Variants in RGS20 observed in about 807,000 individuals in gnomAD.
RGS20 encodes regulator of G protein signaling 20.
Under a neutral mutation model 33.6 loss-of-function variants are expected in RGS20, and 30 were observed. The ratio of observed to expected loss-of-function variants is 0.89; its 90% CI spans 0.67 to 1.21. The LOEUF is 1.21. Among genes scored for constraint, RGS20 ranks in the 50% most tolerant of loss-of-function variants. The pLI is 0.00. For synonymous variants in RGS20, 208 were observed against 197.9 expected (o/e 1.05, Z -0.43); for missense variants, 472 against 502.4 (o/e 0.94, Z 0.58).
At chr8:53,862,502 A>C (rs1446306400) in intron 1 of RGS20, among the ~76,000 whole-genome samples, 1 of 152,164 alleles carries the variant, frequency 6.6e-6, no homozygotes, top group Non-Finnish European at 1.5e-5. Flanking sequence ...TTCTGTCTTC[A>C]CTTCAAAACC....
chr8:53,889,697 C>G (rs1375398878), intron 2 of RGS20, among the ~76,000 whole-genome samples: 4 of 147,836 alleles, frequency 2.7e-5, no homozygotes, highest in African/African-American at 1.0e-4. Context: ...TTTATATATT[C>G]TGGATACAAG....
At chr8:53,912,697 G>A (rs781041281) in intron 2 of RGS20, among the ~76,000 whole-genome samples, 2 of 151,958 alleles carry the variant, frequency 1.3e-5, no homozygotes, top group Non-Finnish European at 2.9e-5. Flanking sequence ...GTGTGCATGT[G>A]TATGTTTGTA....
chr8:53,954,031 C>T (rs1814787251), intron 4 of RGS20, 45 bp from the exon 4 acceptor site: 1 of 1,262,646 alleles, frequency 7.9e-7, no homozygotes, highest in African/African-American at 1.5e-5. Context: ...AATTAACTAC[C>T]ACTAACAGTT....
intron 2 of RGS20, among the ~76,000 whole-genome samples, chr8:53,902,885 TCGG>T (rs1337400391): frequency 3.9e-5 from 6 of 152,040 alleles, no homozygotes; most frequent in Admixed American, 3.9e-4. Flanking sequence ...GCCACCATGC[TCGG>T]TTAATTTCTG....
chr8:53,953,420 C>G (rs917587979), intron 4 of RGS20, among the ~76,000 whole-genome samples: 28 of 151,658 alleles, frequency 1.8e-4, no homozygotes, highest in African/African-American at 5.8e-4. Flanking sequence ...ACTTGGGAGG[C>G]CAAGGAGAGA....
At chr8:53,858,906 A>AC in intron 1 of RGS20, among the ~76,000 whole-genome samples, 1 of 151,548 alleles carries the variant, frequency 6.6e-6, no homozygotes, top group South Asian at 2.1e-4. Context: ...AAAAAAAAAA[A>AC]AAAAAACCGC....
chr8:53,939,086 ACCT>A (rs1038920400), intron 2 of RGS20, among the ~76,000 whole-genome samples: 3 of 152,018 alleles, frequency 2.0e-5, no homozygotes, highest in African/African-American at 7.2e-5. Flanking sequence ...TCCAGGACTC[ACCT>A]CCTCTTCTGA....
chr8:53,855,533 C>T (rs1040986906), intron 1 of RGS20, among the ~76,000 whole-genome samples: 2 of 152,194 alleles, frequency 1.3e-5, no homozygotes, highest in African/African-American at 4.8e-5. Context: ...GGCAGTTACA[C>T]ACATTACATG....
intron 2 of RGS20, among the ~76,000 whole-genome samples, chr8:53,882,130 C>T (rs1812403564): frequency 6.6e-6 from 1 of 152,158 alleles, no homozygotes; most frequent in Non-Finnish European, 1.5e-5. Context: ...AGAGAAGCGG[C>T]TAGCTGAGAG....
chr8:53,853,656 A>T (rs949441230), intron 1 of RGS20, among the ~76,000 whole-genome samples: 1 of 152,244 alleles, frequency 6.6e-6, no homozygotes, highest in Non-Finnish European at 1.5e-5. Flanking sequence ...GAGTCTGCAG[A>T]TACCATTGAA....
chr8:53,947,190 T>C (rs1814513564), intron 4 of RGS20, among the ~76,000 whole-genome samples: 1 of 146,050 alleles, frequency 6.8e-6, no homozygotes. Context: ...ATAGCATATT[T>C]ATACACGCTA....
chr8:53,908,406 A>C (rs551194021), intron 2 of RGS20, among the ~76,000 whole-genome samples: 2 of 152,260 alleles, frequency 1.3e-5, no homozygotes, highest in South Asian at 4.1e-4. Flanking sequence ...TTGGGAGCCC[A>C]AGCTGAGTTG....
chr8:53,864,960 G>A (rs371860056), intron 1 of RGS20, among the ~76,000 whole-genome samples: 3 of 152,192 alleles, frequency 2.0e-5, no homozygotes, highest in South Asian at 2.1e-4. Flanking sequence ...TAATTCAGTC[G>A]CGTCCAACTC....
At chr8:53,856,870 T>C (rs1194967381) in intron 1 of RGS20, among the ~76,000 whole-genome samples, 1 of 152,156 alleles carries the variant, frequency 6.6e-6, no homozygotes, top group Non-Finnish European at 1.5e-5. Context: ...AAAGCACTTA[T>C]TTTGAGACCT....
At chr8:53,891,225 G>A (rs1464371011) in intron 2 of RGS20, among the ~76,000 whole-genome samples, 1 of 152,194 alleles carries the variant, frequency 6.6e-6, no homozygotes, top group African/African-American at 2.4e-5. Flanking sequence ...CTCTTACTCA[G>A]AAATTTTAGT....
intron 4 of RGS20, among the ~76,000 whole-genome samples, chr8:53,948,747 A>G (rs1814618293): frequency 2.4e-5 from 1 of 41,152 alleles, no homozygotes; most frequent in Admixed American, 3.7e-4. Context: ...TATAAGATAC[A>G]GTACATATTT....
chr8:53,896,971 A>T (rs532310803), intron 2 of RGS20, among the ~76,000 whole-genome samples: 2 of 152,342 alleles, frequency 1.3e-5, no homozygotes, highest in Admixed American at 6.5e-5. Flanking sequence ...CTAATAATGG[A>T]CAAAAGACAA....
intron 2 of RGS20, among the ~76,000 whole-genome samples, chr8:53,882,470 C>G (rs1302173084): frequency 6.6e-6 from 1 of 152,104 alleles, no homozygotes; most frequent in South Asian, 2.1e-4. Flanking sequence ...GCAGCTGCTG[C>G]CCACGGGCCA....
chr8:53,953,640 TAAAC>T (rs547262812), intron 4 of RGS20, among the ~76,000 whole-genome samples: 36 of 152,342 alleles, frequency 2.4e-4, no homozygotes, highest in South Asian at 1.7e-3. Flanking sequence ...TAAAATATAT[TAAAC>T]AGACACTTGC....
Sources: gnomAD v4.1 joint callset for allele counts (sites outside exome capture counted in the v4.1 genomes callset) on GRCh38, gnomAD v4.1.1 for gene constraint, MANE v1.5 for transcripts, NCBI Gene and HGNC (gene_info 2026-07-23, HGNC 2026-07-21) for gene names.